The following CDK15 variants were observed in gnomAD, a reference collection of about 807,000 sequenced individuals.
CDK15 encodes the protein cyclin-dependent kinase 15.
Under a neutral mutation model 60.3 loss-of-function variants are expected in CDK15, and 62 were observed. That is an observed-to-expected ratio of 1.03 (90% CI 0.84 to 1.27). CDK15 has a LOEUF of 1.27. CDK15 is among the 50% of genes most tolerant of loss of function. The pLI is 0.00. For missense variants in CDK15, 541 were observed against 527.8 expected (o/e 1.03, Z -0.25); for synonymous variants, 194 against 195.7 (o/e 0.99, Z 0.07).
Position 201,806,608 on chromosome 2 carries a change from G to C in CDK15, c.-57G>C. On this transcript the variant is annotated 5_prime_UTR_variant, in exon 1 of 14. Transcript: ENST00000652192. ...GGCAAAAAGGGAGAGAACAAGGATA[G>C]GAGAGGCAGTGGGGGAAAGGTTCAA... The C allele has an allele frequency of 6.6e-7, 1 of 1,511,228 alleles. No homozygotes were observed. Among genetic ancestry groups the C allele is most frequent in the Non-Finnish European group, 8.9e-7 (1 of 1,126,384 alleles). 93.6% of individuals were successfully genotyped at this position (1,511,228 alleles called of 1,614,324 possible).
intron 8 of CDK15, among the ~76,000 whole-genome samples, chr2:201,840,353 C>CT (rs1346787840): frequency 6.6e-6 from 1 of 152,228 alleles, no homozygotes; most frequent in East Asian, 1.9e-4. Context: ...TTATTTTTGT[C>CT]TTTTTAACCT....
chr2:201,825,099 G>C (rs1307205340), intron 6 of CDK15, among the ~76,000 whole-genome samples: 1 of 152,102 alleles, frequency 6.6e-6, no homozygotes, highest in Non-Finnish European at 1.5e-5. Flanking sequence ...CAGATCATGA[G>C]GTCAGGAGTT....
chr2:201,876,186 C>T (rs759959537), intron 11 of CDK15, among the ~76,000 whole-genome samples: 1 of 151,968 alleles, frequency 6.6e-6, no homozygotes, highest in Non-Finnish European at 1.5e-5. Context: ...ATTGTTCCAG[C>T]GGGAGTTAGA....
intron 4 of CDK15, among the ~76,000 whole-genome samples, chr2:201,816,232 C>T (rs1574850542): frequency 6.6e-6 from 1 of 151,964 alleles, no homozygotes; most frequent in African/African-American, 2.4e-5. Flanking sequence ...AGTATAGTAC[C>T]TGATAGGTAG....
At chr2:201,891,540 T>A (rs552591577) in intron 13 of CDK15, among the ~76,000 whole-genome samples, 2 of 152,144 alleles carry the variant, frequency 1.3e-5, no homozygotes, top group Admixed American at 6.5e-5. Context: ...GGATGGTTGG[T>A]CACCTTTGTG....
chr2:201,862,237 A>G (rs981567418), intron 10 of CDK15, among the ~76,000 whole-genome samples: 1 of 152,220 alleles, frequency 6.6e-6, no homozygotes, highest in African/African-American at 2.4e-5. Flanking sequence ...TCTACATGCT[A>G]CATAATGGGT....
In CDK15 at chr2:201,812,535, G is replaced by A. The variant is rs753748222; in HGVS notation, c.421G>A (p.Gly141Arg). ...AGTCATCAGCATGAATGCAGAGGAA[G>A]GAGTCCCATTTACAGCTATCCGAGA... ...LKVISMNAEE[G>R]VPFTAIREAS... Residue 141 changes from glycine (G) to arginine (R), a missense_variant, in exon 4 of 14, where the codon GGA becomes AGA. By Grantham distance (125) the Gly-to-Arg change is moderately radical. Transcript: ENST00000652192. 1.2e-6 allele frequency: 2 copies of A among 1,613,154 alleles called. No individual in the cohort carries two copies. The highest frequency in any genetic ancestry group is 1.1e-5 in the South Asian group (1 of 91,022).
At chr2:201,861,001 C>T in intron 10 of CDK15, 1 of 1,182,380 alleles carries the variant, frequency 8.5e-7, no homozygotes, top group Non-Finnish European at 1.1e-6. Flanking sequence ...AGGTCTGCAT[C>T]TGGGTCGGCA....
At chr2:201,823,499 C>T (rs1025726258) in intron 5 of CDK15, among the ~76,000 whole-genome samples, 166 bp from the exon 6 acceptor site, 9 of 152,168 alleles carry the variant, frequency 5.9e-5, no homozygotes, top group African/African-American at 2.2e-4. Context: ...TGTGTTTGAC[C>T]TTAACAGTGG....
chr2:201,810,787 G>A (rs1243153388), intron 3 of CDK15, among the ~76,000 whole-genome samples: 1 of 151,468 alleles, frequency 6.6e-6, no homozygotes, highest in Non-Finnish European at 1.5e-5. Context: ...TCTCAGACAG[G>A]TGACTAAGGT....
intron 12 of CDK15, chr2:201,889,095 C>T: frequency 1.0e-6 from 1 of 985,368 alleles, no homozygotes; most frequent in Non-Finnish European, 1.2e-6. Context: ...TTACCCACAG[C>T]ATTTAAGGGC....
intron 9 of CDK15, among the ~76,000 whole-genome samples, chr2:201,848,772 C>T (rs62195469): frequency 0.14 from 20,949 of 152,058 alleles, 1,643 homozygotes; most frequent in Non-Finnish European, 0.17. Context: ...ACTTGCTATC[C>T]TGGATCCTGC....
chr2:201,823,668 A>G lies in CDK15; in HGVS notation c.547A>G (p.Thr183Ala), dbSNP rs199869929. 9.2e-4 allele frequency: 1,492 copies of G among 1,613,832 alleles called. 7 individuals are homozygous for G. Among genetic ancestry groups the G allele is most frequent in the Non-Finnish European group, 1.0e-4 (118 of 1,179,826 alleles). Reference protein sequence around the residue: ...TLTFVFEYMHTDLAQYMSQHP... With the variant: ...TLTFVFEYMHADLAQYMSQHP... ...CTTTCTCCGCTGTTTTATTTAGCAC[A>G]CAGACCTGGCCCAGTATATGTCTCA... Residue 183 changes from threonine to alanine, a missense_variant, in exon 6 of 14, where the codon ACA (threonine) becomes GCA (alanine). Physicochemically the swap from Thr to Ala is moderately conservative, Grantham distance 58 (BLOSUM62 0). Transcript: ENST00000652192.
chr2:201,826,796 CT>C (rs1198925207), intron 6 of CDK15, among the ~76,000 whole-genome samples: 1 of 152,216 alleles, frequency 6.6e-6, no homozygotes, highest in Non-Finnish European at 1.5e-5. Context: ...TTTTCTGCAA[CT>C]TTTGCTCCAA....
At chr2:201,872,234 T>C (rs1184264018) in intron 10 of CDK15, 44 bp from the exon 11 acceptor site, 2 of 1,604,070 alleles carry the variant, frequency 1.2e-6, no homozygotes, top group African/African-American at 2.7e-5. Flanking sequence ...CAACAGGGTT[T>C]TCGGGTGGAT....
At chr2:201,819,081 A>G (rs562117958) in intron 4 of CDK15, among the ~76,000 whole-genome samples, 7 of 152,286 alleles carry the variant, frequency 4.6e-5, no homozygotes, top group African/African-American at 1.4e-4. Context: ...GGTGACAGGC[A>G]CTATGGAAAA....
intron 11 of CDK15, among the ~76,000 whole-genome samples, chr2:201,873,332 G>A (rs937686838): frequency 6.6e-6 from 1 of 152,180 alleles, no homozygotes; most frequent in African/African-American, 2.4e-5. Flanking sequence ...TGTATAACCT[G>A]AAACCTTTTG....
rs536274371 is a variant in CDK15 at position 201,847,444 on chromosome 2, C to T, written c.915C>T (p.Asn305=). The T allele has an allele frequency of 6.2e-7, 1 of 1,614,038 alleles. No homozygotes were observed. Among genetic ancestry groups the T allele is most frequent in the South Asian group, 1.1e-5 (1 of 91,056 alleles). The stretch of plus-strand genomic sequence containing the variant: ...AACCTTTGTTTCCTGGGGTTTCCAA[C>T]ATCCTTGAACAGCTGGAGAAAATCT... ...QGQPLFPGVS[N]ILEQLEKIWE... The change falls in exon 9 of 14, where the codon AAC becomes AAT. Residue 305 remains asparagine (N), a synonymous_variant. Coordinates refer to ENST00000652192, the MANE Select transcript of CDK15 (RefSeq NM_001366386.2).
Position 201,871,894 on chromosome 2 carries a change from C to T in CDK15, c.1010-384C>T, listed in dbSNP as rs79171968. 8.7e-3 allele frequency among the ~76,000 whole-genome samples: 1,329 copies of T among 152,090 alleles called. 20 individuals carry two copies. Among genetic ancestry groups the T allele is most frequent in the African/African-American group, 0.03 (1,262 of 41,484 alleles). ...AGTCTCTTCGCCTCACCTTCTCTGA[C>T]GCACGTCTATTTCTGGGTCCACATT... On this transcript the variant is annotated intron_variant, in intron 10 of 13. Coordinates refer to ENST00000652192, the MANE Select transcript of CDK15 (RefSeq NM_001366386.2).
Sources: allele counts gnomAD v4.1 joint callset (sites outside exome capture counted in the v4.1 genomes callset), GRCh38; gene constraint gnomAD v4.1.1; transcripts MANE v1.5; gene names NCBI Gene and HGNC (gene_info 2026-07-23, HGNC 2026-07-21).